FRMD6: variants seen among roughly 807,000 people sequenced by gnomAD.
The protein encoded by FRMD6 is FERM domain containing 6.
A neutral mutation model predicts 73.2 loss-of-function variants in FRMD6; 37 were observed. That is an observed-to-expected ratio of 0.51 (90% CI 0.39 to 0.66). The LOEUF (loss-of-function observed/expected upper bound fraction) is 0.66, where lower values mean the gene tolerates loss of function less well. Ranked by LOEUF, FRMD6 falls within the 30% of genes least tolerant of loss-of-function variation. The pLI is 0.00. For missense variants in FRMD6, 714 were observed against 780.5 expected, an observed-to-expected ratio of 0.91 and a Z score of 1.02; for synonymous variants, 273 against 282.2, an observed-to-expected ratio of 0.97 and a Z score of 0.33.
At chr14:51,441,486 G>A in the FRMD6 span, among the ~76,000 whole-genome samples, 4 of 152,286 alleles carry the variant, frequency 2.6e-5, no homozygotes, top group South Asian at 8.3e-4. Flanking sequence ...TAAAGAAGGT[G>A]GGATTGTAAA....
chr14:51,530,992 G>A (rs1885549509), intron 1 of FRMD6, among the ~76,000 whole-genome samples: 1 of 152,178 alleles, frequency 6.6e-6, no homozygotes, highest in Admixed American at 6.5e-5. Context: ...ATCTGGTGAG[G>A]GTTTTCTTCC....
At chr14:51,610,964 C>CCTGTAT (rs1161106712) in intron 2 of FRMD6, among the ~76,000 whole-genome samples, 1 of 152,134 alleles carries the variant, frequency 6.6e-6, no homozygotes, top group Non-Finnish European at 1.5e-5. Flanking sequence ...CCCTGGCTTG[C>CCTGTAT]TTAAATACAG....
the FRMD6 span, among the ~76,000 whole-genome samples, chr14:51,440,305 A>G: frequency 1.3e-5 from 2 of 152,246 alleles, no homozygotes; most frequent in Non-Finnish European, 2.9e-5. Flanking sequence ...TATTTTCTAC[A>G]AATGTTTAAA....
chr14:51,441,123 C>G, the FRMD6 span, among the ~76,000 whole-genome samples: 1 of 152,232 alleles, frequency 6.6e-6, no homozygotes, highest in Non-Finnish European at 1.5e-5. Context: ...GGCATGGAGT[C>G]ACTGCTATAA....
At chr14:51,571,446 G>A (rs757850889) in intron 2 of FRMD6, among the ~76,000 whole-genome samples, 9 of 152,180 alleles carry the variant, frequency 5.9e-5, no homozygotes, top group Middle Eastern at 3.2e-3. Context: ...ACACTATCCA[G>A]TATCACCAAT....
chr14:51,685,160 T>C (rs1895067785), intron 1 of FRMD6, among the ~76,000 whole-genome samples: 1 of 152,144 alleles, frequency 6.6e-6, no homozygotes, highest in South Asian at 2.1e-4. Context: ...ATTAGCACTA[T>C]TATTTTGCCT....
chr14:51,593,306 A>G (rs377553713), intron 2 of FRMD6, among the ~76,000 whole-genome samples: 1 of 152,226 alleles, frequency 6.6e-6, no homozygotes, highest in East Asian at 1.9e-4. Context: ...GCAGCCAAAG[A>G]AACATGCTGA....
chr14:51,459,632 C>T, the FRMD6 span, among the ~76,000 whole-genome samples: 1 of 151,936 alleles, frequency 6.6e-6, no homozygotes, highest in Non-Finnish European at 1.5e-5. Flanking sequence ...TTGAGACCAT[C>T]CTGGCTAACA....
chr14:51,425,734 C>T, the FRMD6 span, among the ~76,000 whole-genome samples: 3 of 152,214 alleles, frequency 2.0e-5, no homozygotes, highest in Admixed American at 6.5e-5. Context: ...CTACCCCAGA[C>T]CACCCTCTCT....
intron 3 of FRMD6, among the ~76,000 whole-genome samples, chr14:51,699,954 G>C (rs533479698): frequency 1.3e-5 from 2 of 151,694 alleles, no homozygotes; most frequent in South Asian, 2.1e-4. Context: ...TTTGTCTCTG[G>C]GATCTCTTTT....
At position 51,660,859 on chromosome 14, in the gene FRMD6, G is replaced by C. The variant is rs539326531; in HGVS notation, c.-147+8863G>C. Reference sequence around the variant, plus strand: ...CTTGAAGGAGGAAGAGAGCCACACAGAGCTAGCTGGGGGAAAAGTGTTGCA... The same window carrying C: ...CTTGAAGGAGGAAGAGAGCCACACACAGCTAGCTGGGGGAAAAGTGTTGCA... On this transcript the variant is annotated intron_variant, in intron 1 of 13. Coordinates refer to ENST00000344768, the MANE Select transcript of FRMD6 (RefSeq NM_001267046.2). Among the ~76,000 whole-genome samples, 5 of 152,258 alleles carry C rather than the reference G, an allele frequency of 3.3e-5. No individual in the cohort carries two copies. In the South Asian group the frequency reaches 6.2e-4, roughly 19 times the overall value.
the FRMD6 span, among the ~76,000 whole-genome samples, chr14:51,437,300 G>A: frequency 2.6e-5 from 4 of 152,288 alleles, no homozygotes; most frequent in Middle Eastern, 3.4e-3. Context: ...CCATGTTCCT[G>A]CAAAGAGTCT....
rs778670569 is a variant in FRMD6 at position 51,689,830 on chromosome 14, A to G, written c.-7A>G. The G allele has an allele frequency of 6.2e-7, 1 of 1,601,806 alleles. No homozygotes were observed. Among genetic ancestry groups the G allele is most frequent in the African/African-American group, 1.3e-5 (1 of 74,726 alleles). ...CCAGCCCTGACCACCAGAGTGCCCA[A>G]AACACAATGAACAAATTGAATTTTC... On this transcript the variant is annotated 5_prime_UTR_variant, in exon 2 of 14. Transcript: ENST00000344768.
At chr14:51,547,095 T>C (rs1429878261) in intron 1 of FRMD6, among the ~76,000 whole-genome samples, 1 of 152,142 alleles carries the variant, frequency 6.6e-6, no homozygotes, top group Non-Finnish European at 1.5e-5. Flanking sequence ...CTCTGTGTGT[T>C]CTGTAATGGA....
chr14:51,722,495 TG>T (rs1897685095), intron 12 of FRMD6, among the ~76,000 whole-genome samples: 1 of 152,120 alleles, frequency 6.6e-6, no homozygotes. Flanking sequence ...TCCAGGTTTT[TG>T]GGGTTTTTTT....
the FRMD6 span, among the ~76,000 whole-genome samples, chr14:51,455,632 A>G: frequency 2.0e-5 from 3 of 152,164 alleles, no homozygotes; most frequent in Non-Finnish European, 4.4e-5. Flanking sequence ...CTTTTGGTAG[A>G]GTCAGGTGAC....
At chr14:51,696,090 G>A (rs906639419) in intron 2 of FRMD6, among the ~76,000 whole-genome samples, 2 of 151,682 alleles carry the variant, frequency 1.3e-5, no homozygotes, top group Admixed American at 6.6e-5. Flanking sequence ...ATGCATATAG[G>A]TAAAATGATA....
At chr14:51,483,850 T>G in the FRMD6 span, among the ~76,000 whole-genome samples, 5,040 of 152,334 alleles carry the variant, frequency 0.033, 226 homozygotes, top group Admixed American at 0.14. Context: ...GTGTATTGTT[T>G]GTTTCATGTA....
At chr14:51,439,325 T>C in the FRMD6 span, among the ~76,000 whole-genome samples, 304 of 152,344 alleles carry the variant, frequency 2.0e-3, 1 homozygote, top group Middle Eastern at 0.02. Flanking sequence ...GGGGAAAGAA[T>C]GACTCTAAGA....
Sources: gnomAD v4.1 joint callset for allele counts (sites outside exome capture counted in the v4.1 genomes callset) on GRCh38, gnomAD v4.1.1 for gene constraint, MANE v1.5 for transcripts, NCBI Gene and HGNC (gene_info 2026-07-23, HGNC 2026-07-21) for gene names.